Variants in GLG1 observed in about 807,000 individuals in gnomAD.
GLG1 encodes the protein golgi glycoprotein 1.
Under a neutral mutation model 160.5 loss-of-function variants are expected in GLG1, and 38 were observed. The observed-to-expected ratio is 0.24, with a 90% CI of 0.18 to 0.31. The LOEUF (loss-of-function observed/expected upper bound fraction) is 0.31, where lower values mean the gene tolerates loss of function less well. Among genes scored for constraint, GLG1 ranks in the 10% least tolerant of loss-of-function variants. The pLI is 1.00. For missense variants in GLG1, 1,373 were observed against 1,505.2 expected (o/e 0.91, Z 1.45); for synonymous variants, 644 against 543.4 (o/e 1.19, Z -2.57).
chr16:74,501,217 T>A (rs1306049378), intron 4 of GLG1, among the ~76,000 whole-genome samples: 2 of 152,214 alleles, frequency 1.3e-5, no homozygotes, highest in African/African-American at 2.4e-5. Context: ...CCCTCTTTTT[T>A]AAATTTGGCT....
intron 1 of GLG1, among the ~76,000 whole-genome samples, chr16:74,541,614 G>A (rs929239845): frequency 1.3e-5 from 2 of 152,184 alleles, no homozygotes; most frequent in African/African-American, 4.8e-5. Flanking sequence ...TTATGTAGAA[G>A]GCCTTCAAAT....
chr16:74,457,730 C>T (rs759353597), intron 24 of GLG1, 144 bp downstream of exon 24: 1 of 660,668 alleles, frequency 1.5e-6, no homozygotes. Flanking sequence ...TTGGCATCAC[C>T]CAGGTCCCCA....
At chr16:74,460,043 C>CA (rs2014724722) in intron 22 of GLG1, among the ~76,000 whole-genome samples, 1 of 144,720 alleles carries the variant, frequency 6.9e-6, no homozygotes, top group South Asian at 2.2e-4. Context: ...TTTTTTTAGA[C>CA]AGAGTCTTGC....
intron 1 of GLG1, among the ~76,000 whole-genome samples, chr16:74,559,131 A>C (rs917251965): frequency 6.6e-6 from 1 of 152,114 alleles, no homozygotes; most frequent in African/African-American, 2.4e-5. Flanking sequence ...ACAGCCTCCT[A>C]AAGTACAGGG....
rs527597797 is a variant in GLG1 at position 74,474,558 on chromosome 16, C to T, written c.2040G>A (p.Glu680=). Residue 680 remains glutamate (E), a synonymous_variant, in exon 13 of 26, where the codon GAG becomes GAA. Transcript: ENST00000422840. ...ECRDIVGNLT[E]LESEDIQIEA... ...GCATACCACTTACCTCTGATTCTAA[C>T]TCAGTGAGGTTGCCAACTATATCTC... The T allele has an allele frequency of 6.6e-7, 1 of 1,516,074 alleles. No homozygotes were observed. Among genetic ancestry groups the T allele is most frequent in the South Asian group, 1.1e-5 (1 of 88,970 alleles). The allele number at this position is 1,516,074 out of a possible 1,614,324, so 93.9% of individuals were successfully genotyped here.
At chr16:74,454,629 G>A (rs2014454166) in intron 25 of GLG1, among the ~76,000 whole-genome samples, 1 of 121,334 alleles carries the variant, frequency 8.2e-6, no homozygotes, top group East Asian at 2.8e-4. Flanking sequence ...CTGCACTACT[G>A]GACTCCAGCC....
chr16:74,504,361 C>T (rs186280453), intron 3 of GLG1, among the ~76,000 whole-genome samples: 1 of 152,232 alleles, frequency 6.6e-6, no homozygotes, highest in East Asian at 1.9e-4. Context: ...GATCTCGGCT[C>T]ACTGAAACCC....
chr16:74,568,783 A>G (rs1258243902), intron 1 of GLG1, among the ~76,000 whole-genome samples: 3 of 152,254 alleles, frequency 2.0e-5, no homozygotes. Flanking sequence ...GCACATGCAA[A>G]GTAACAGAAA....
chr16:74,581,927 CAAAACA>C (rs1371695409), intron 1 of GLG1, among the ~76,000 whole-genome samples: 1 of 152,026 alleles, frequency 6.6e-6, no homozygotes, highest in African/African-American at 2.4e-5. Flanking sequence ...CAAAACAAAA[CAAAACA>C]AAAACAAATT....
intron 1 of GLG1, among the ~76,000 whole-genome samples, chr16:74,579,783 G>A (rs1957897488): frequency 6.6e-6 from 1 of 151,806 alleles, no homozygotes; most frequent in Admixed American, 6.6e-5. Context: ...ACCTTAGCAT[G>A]GCCACGCACA....
chr16:74,568,669 C>A (rs571132526), intron 1 of GLG1, among the ~76,000 whole-genome samples: 5 of 152,158 alleles, frequency 3.3e-5, no homozygotes, highest in Non-Finnish European at 7.3e-5. Context: ...CCGCCCACCT[C>A]GGCCTCCCAA....
chr16:74,483,151 A>G (rs1444326352), intron 9 of GLG1, 27 bp from the exon 10 acceptor site: 1 of 1,320,440 alleles, frequency 7.6e-7, no homozygotes, highest in Non-Finnish European at 1.1e-6. Context: ...TAAAATTGTA[A>G]CAAGAGAGAA....
At chr16:74,565,278 G>A (rs140141150) in intron 1 of GLG1, among the ~76,000 whole-genome samples, 40 of 152,262 alleles carry the variant, frequency 2.6e-4, no homozygotes, top group African/African-American at 9.1e-4. Flanking sequence ...GCAGTGAACC[G>A]AGATTTTATG....
At chr16:74,527,781 C>T (rs1353796468) in intron 2 of GLG1, among the ~76,000 whole-genome samples, 2 of 151,902 alleles carry the variant, frequency 1.3e-5, no homozygotes, top group Non-Finnish European at 2.9e-5. Context: ...GGGGTGAGTG[C>T]CGTGGCGGGA....
chr16:74,556,395 T>G (rs908612020), intron 1 of GLG1, among the ~76,000 whole-genome samples: 1 of 152,212 alleles, frequency 6.6e-6, no homozygotes, highest in South Asian at 2.1e-4. Flanking sequence ...CCTCTTTCCA[T>G]AAAATTTTTG....
At chr16:74,475,568 G>C (rs962634310) in intron 12 of GLG1, among the ~76,000 whole-genome samples, 1 of 152,186 alleles carries the variant, frequency 6.6e-6, no homozygotes, top group African/African-American at 2.4e-5. Flanking sequence ...TTTGGAAACC[G>C]AGCTGGAGCT....
intron 8 of GLG1, 136 bp downstream of exon 8, chr16:74,490,865 G>A: frequency 1.5e-6 from 1 of 646,346 alleles, no homozygotes; most frequent in Admixed American, 2.8e-5. Flanking sequence ...GCAACGTTCA[G>A]TCTCTGATCA....
intron 2 of GLG1, among the ~76,000 whole-genome samples, chr16:74,519,557 T>C (rs1426759943): frequency 1.5e-5 from 1 of 67,972 alleles, no homozygotes; most frequent in African/African-American, 5.3e-5. Context: ...ACTATGTTAC[T>C]GGTTTTTGAA....
At chr16:74,462,427 A>T (rs773902015) in intron 21 of GLG1, 61 bp downstream of exon 21, 137 of 1,500,112 alleles carry the variant, frequency 9.1e-5, no homozygotes, top group Non-Finnish European at 1.2e-4. Context: ...TTCAAAAGAG[A>T]AAATTCCCAG....
Sources: gnomAD v4.1 joint callset for allele counts (sites outside exome capture counted in the v4.1 genomes callset) on GRCh38, gnomAD v4.1.1 for gene constraint, MANE v1.5 for transcripts, NCBI Gene and HGNC (gene_info 2026-07-23, HGNC 2026-07-21) for gene names.